Variants in PHF14 observed in about 807,000 individuals in gnomAD.
The protein encoded by PHF14 is PHD finger protein 14.
PHF14 carries 55 observed loss-of-function variants against 117.9 expected under a neutral mutation model. The ratio of observed to expected loss-of-function variants is 0.47; its 90% CI spans 0.38 to 0.58. PHF14 has a LOEUF of 0.58. PHF14 is among the 20% of genes least tolerant of loss of function. PHF14 has a pLI of 0.00. For synonymous variants in PHF14, 409 were observed against 368.6 expected, an observed-to-expected ratio of 1.11 and a Z score of -1.26; for missense variants, 978 against 1,122.2, an observed-to-expected ratio of 0.87 and a Z score of 1.84.
At chr7:11,121,577 G>C (rs1472406149) in intron 17 of PHF14, among the ~76,000 whole-genome samples, 3 of 151,944 alleles carry the variant, frequency 2.0e-5, no homozygotes, top group Non-Finnish European at 4.4e-5. Context: ...CTTCCCTTTG[G>C]CATATCAAAA....
At chr7:11,137,934 T>C (rs1788273133) in intron 17 of PHF14, among the ~76,000 whole-genome samples, 1 of 151,974 alleles carries the variant, frequency 6.6e-6, no homozygotes, top group African/African-American at 2.4e-5. Context: ...GTAACCTTTA[T>C]ACCTAGCTCT....
At chr7:11,066,103 T>C (rs1785416196) in intron 16 of PHF14, among the ~76,000 whole-genome samples, 2 of 152,220 alleles carry the variant, frequency 1.3e-5, no homozygotes, top group African/African-American at 4.8e-5. Context: ...ATTTGGTCTG[T>C]AAACATTGTT....
At chr7:11,150,921 G>A (rs1788683616) in intron 17 of PHF14, among the ~76,000 whole-genome samples, 1 of 152,056 alleles carries the variant, frequency 6.6e-6, no homozygotes, top group South Asian at 2.1e-4. Flanking sequence ...AAACAATCCT[G>A]AAAGTTTGAA....
intron 16 of PHF14, among the ~76,000 whole-genome samples, chr7:11,068,263 A>G (rs1435927074): frequency 6.9e-6 from 1 of 145,512 alleles, no homozygotes. Context: ...AGGCAGGAGA[A>G]TGGCATGAAC....
At position 11,041,147 on chromosome 7, in the gene PHF14, T is replaced by G. The variant is rs185197447; in HGVS notation, c.2180+372T>G. On this transcript the variant is annotated intron_variant, in intron 12 of 17. Transcript: ENST00000634607. ...TAGTGATGGGTATCATATATGTATATATATAGAATGAATCTATTGCCTTTG... is the reference window on the plus strand; with the variant it reads ...TAGTGATGGGTATCATATATGTATAGATATAGAATGAATCTATTGCCTTTG... Among the ~76,000 whole-genome samples the G allele has an allele frequency of 3.6e-4, 55 of 152,196 alleles. 3 individuals carry two copies. The highest frequency in any genetic ancestry group is 1.3e-3 in the African/African-American group (54 of 41,574).
At chr7:11,038,222 G>A (rs546002514) in intron 10 of PHF14, among the ~76,000 whole-genome samples, 5 of 152,156 alleles carry the variant, frequency 3.3e-5, no homozygotes, top group African/African-American at 1.2e-4. Flanking sequence ...GACCATCCTA[G>A]GAGTTTGAGA....
intron 17 of PHF14, among the ~76,000 whole-genome samples, chr7:11,167,118 G>A (rs551206556): frequency 6.6e-6 from 1 of 152,240 alleles, no homozygotes; most frequent in African/African-American, 2.4e-5. Context: ...CCTAGTCCTT[G>A]GGGTTATTAA....
intron 14 of PHF14, among the ~76,000 whole-genome samples, chr7:11,059,290 A>G (rs1785126334): frequency 6.6e-6 from 1 of 152,242 alleles, no homozygotes; most frequent in Non-Finnish European, 1.5e-5. Flanking sequence ...CAGCATTAAA[A>G]TACATACTTG....
intron 16 of PHF14, among the ~76,000 whole-genome samples, chr7:11,083,128 C>A (rs995056486): frequency 6.6e-6 from 1 of 152,198 alleles, no homozygotes; most frequent in Non-Finnish European, 1.5e-5. Context: ...CAGTCCAACC[C>A]CAGCCAATGG....
chr7:11,124,293 C>T (rs1442961100), intron 17 of PHF14, among the ~76,000 whole-genome samples: 3 of 152,016 alleles, frequency 2.0e-5, no homozygotes, highest in Non-Finnish European at 4.4e-5. Flanking sequence ...ACAGTTAGAT[C>T]ATACTTTCTG....
intron 16 of PHF14, among the ~76,000 whole-genome samples, chr7:11,069,653 T>C: frequency 1.0e-5 from 1 of 97,560 alleles, no homozygotes; most frequent in Non-Finnish European, 1.9e-5. Flanking sequence ...TCCTCTCCTC[T>C]CCCCTCCCTT....
intron 4 of PHF14, among the ~76,000 whole-genome samples, chr7:10,996,399 T>G (rs1388040109): frequency 1.3e-5 from 2 of 152,190 alleles, no homozygotes; most frequent in African/African-American, 2.4e-5. Context: ...TGTAACAAAG[T>G]CATCCTAGTA....
chr7:11,089,219 C>G (rs2906555), intron 16 of PHF14, among the ~76,000 whole-genome samples: 72,153 of 152,058 alleles, frequency 0.47, 17,747 homozygotes, highest in East Asian at 0.85. Context: ...CATCAAATCT[C>G]TTCCTCAAAA....
intron 14 of PHF14, among the ~76,000 whole-genome samples, chr7:11,060,411 G>A (rs981525310): frequency 4.6e-5 from 7 of 152,176 alleles, no homozygotes; most frequent in African/African-American, 1.7e-4. Flanking sequence ...GGCACAGAAG[G>A]AAAAGAGATG....
chr7:10,997,872 A>T (rs1782716251), intron 4 of PHF14, among the ~76,000 whole-genome samples: 1 of 152,230 alleles, frequency 6.6e-6, no homozygotes, highest in Admixed American at 6.5e-5. Context: ...GGTAGTGCAT[A>T]CAACCATTTC....
At chr7:10,977,818 T>G (rs1781918489) in intron 2 of PHF14, among the ~76,000 whole-genome samples, 2 of 152,128 alleles carry the variant, frequency 1.3e-5, no homozygotes, top group African/African-American at 2.4e-5. Context: ...AAACACACAG[T>G]CAAATATTAG....
At chr7:11,006,999 A>C in intron 4 of PHF14, 2 of 331,270 alleles carry the variant, frequency 6.0e-6, no homozygotes, top group Admixed American at 4.0e-5. Flanking sequence ...ATGTGGTGAA[A>C]CTCCCTTCTC....
rs56043099 is a variant in PHF14 at position 11,034,539 on chromosome 7, A to ATTTTTTTT, written c.1456-1081_1456-1074dup. ...ACAGGGCTTAGAATTTCTTAATTCT[A>ATTTTTTTT]TTTTTTTTTTTTTTTTTTTTTTTTT... On this transcript the variant is annotated intron_variant, in intron 7 of 17. Coordinates refer to ENST00000634607, the MANE Select transcript of PHF14 (RefSeq NM_001007157.2). Among the ~76,000 whole-genome samples, 74 of 63,096 alleles carry ATTTTTTTT rather than the reference A, an allele frequency of 1.2e-3. 4 individuals carry two copies. Among genetic ancestry groups the ATTTTTTTT allele is most frequent in the East Asian group, 1.6e-3 (3 of 1,874 alleles). 41.4% of individuals were successfully genotyped at this position (63,096 alleles called of 152,430 possible).
intron 2 of PHF14, among the ~76,000 whole-genome samples, chr7:10,980,207 C>T (rs1195824403): frequency 5.9e-5 from 9 of 152,050 alleles, no homozygotes; most frequent in African/African-American, 2.4e-5. Flanking sequence ...CTTACTTTTG[C>T]GTCTATCGTG....
Sources: gnomAD v4.1 joint callset for allele counts (sites outside exome capture counted in the v4.1 genomes callset) on GRCh38, gnomAD v4.1.1 for gene constraint, MANE v1.5 for transcripts, NCBI Gene and HGNC (gene_info 2026-07-23, HGNC 2026-07-21) for gene names.